GPRC5C: variants seen among roughly 807,000 people sequenced by gnomAD.
GPRC5C encodes the protein G protein-coupled receptor family C group 5 member C.
Under a neutral mutation model 31.4 loss-of-function variants are expected in GPRC5C, and 22 were observed. The ratio of observed to expected loss-of-function variants is 0.70; its 90% CI spans 0.50 to 1.00. GPRC5C has a LOEUF of 1.00. GPRC5C is among the 50% of genes least tolerant of loss of function. The probability of loss-of-function intolerance (pLI) is 0.00; values close to 1 mark genes in which losing one functional copy is unlikely to be tolerated. For missense variants in GPRC5C, 557 were observed against 597.2 expected (o/e 0.93, Z 0.70); for synonymous variants, 249 against 257.5 (o/e 0.97, Z 0.32).
At position 74,439,994 on chromosome 17, in the gene GPRC5C, C is replaced by T; in HGVS notation, c.218C>T (p.Ala73Val). 6.2e-7 allele frequency: 1 copy of T among 1,609,772 alleles called. No homozygotes were observed. Reference protein sequence around the residue: ...TTFVLTIILVASLPFVQDTKK... With the variant: ...TTFVLTIILVVSLPFVQDTKK... ...TTTGTGCTCACCATCATCCTGGTGG[C>T]CAGCCTCCCCTTTGTGCAGGACACC... is the stretch of plus-strand genomic sequence containing the variant. The change falls in exon 2 of 4, where the codon GCC becomes GTC. Residue 73 changes from alanine (A) to valine (V), a missense_variant. Physicochemically the swap from Ala to Val is moderately conservative, Grantham distance 64. Transcript: ENST00000392627.
rs986621916 is a variant in GPRC5C, at chr17:74,447,183, G to A, written c.*155G>A. On this transcript the variant is annotated 3_prime_UTR_variant, in exon 4 of 4. Coordinates refer to ENST00000392627, the MANE Select transcript of GPRC5C (RefSeq NM_022036.4). Reference sequence around the variant, plus strand: ...CTCCCTCTCTGCCAGTGTTTGGGTGGGTGTCATGGGTGTCCCCACCCACTC... The same window carrying A: ...CTCCCTCTCTGCCAGTGTTTGGGTGAGTGTCATGGGTGTCCCCACCCACTC... 5.8e-5 allele frequency: 82 copies of A among 1,412,834 alleles called. No homozygotes were observed. Among genetic ancestry groups the A allele is most frequent in the Non-Finnish European group, 7.5e-5 (81 of 1,083,652 alleles). 87.5% of individuals were successfully genotyped at this position (1,412,834 alleles called of 1,614,324 possible).
chr17:74,448,177 A>G (rs925394950), downstream of GPRC5C, among the ~76,000 whole-genome samples: 3 of 152,038 alleles, frequency 2.0e-5, no homozygotes, highest in Non-Finnish European at 4.4e-5. Context: ...TTAGCCAGAC[A>G]TTAGTCCTAG....
At chr17:74,449,300 T>C (rs2055687252), downstream of GPRC5C, 7 of 1,255,786 alleles carry the variant, frequency 5.6e-6, no homozygotes, top group Non-Finnish European at 6.3e-6. Flanking sequence ...CGCAGTAGAG[T>C]CCCCTTTGAC....
chr17:74,439,735 C>A lies in GPRC5C; in HGVS notation c.-32-10C>A. ...AGGACTAATTTTGTCCCTTTTCCTT[C>A]TGTCTCTAGGGACCCAACCAGAGCC... On this transcript the variant is annotated splice_polypyrimidine_tract_variant and intron_variant, in intron 1 of 3. Coordinates refer to ENST00000392627, the MANE Select transcript of GPRC5C (RefSeq NM_022036.4). The A allele has an allele frequency of 6.3e-7, 1 of 1,583,884 alleles. No individual in the cohort carries two copies. The highest frequency in any genetic ancestry group is 8.6e-7 in the Non-Finnish European group (1 of 1,164,628).
rs1168352068 is a variant in GPRC5C at position 74,442,405 on chromosome 17, T to G, written c.1052-1413T>G. Among the ~76,000 whole-genome samples, 4 of 152,210 alleles carry G rather than the reference T, an allele frequency of 2.6e-5. No homozygotes were observed. The East Asian group carries it at 7.7e-4, about 29-fold the overall frequency. ...TAGCATTTCCTCAGCACCTGCTCTG[T>G]GCCAGCCCCTGTGCTAATCCCCTTA... On this transcript the variant is annotated intron_variant, in intron 2 of 3. Coordinates refer to ENST00000392627, the MANE Select transcript of GPRC5C (RefSeq NM_022036.4).
downstream of GPRC5C, chr17:74,449,648 C>A: frequency 4.0e-6 from 1 of 251,506 alleles, no homozygotes; most frequent in Non-Finnish European, 8.1e-6. Context: ...CAACTCCCCT[C>A]TTGACACGCC....
rs1327945684 is a variant in GPRC5C, at chr17:74,443,809, T to C, written c.1052-9T>C. ...GGGATCTTCAAACTGTTCCTGCTTT[T>C]CCTTGTAGCTAAGAGGCCGGTGTCA... On this transcript the variant is annotated splice_polypyrimidine_tract_variant and intron_variant, in intron 2 of 3. Transcript: ENST00000392627. The C allele has an allele frequency of 6.2e-7, 1 of 1,600,044 alleles. No homozygotes were observed. The highest frequency in any genetic ancestry group is 1.1e-5 in the South Asian group (1 of 90,798).
intron 1 of GPRC5C, among the ~76,000 whole-genome samples, chr17:74,436,938 T>C (rs1352571201): frequency 6.6e-6 from 1 of 152,218 alleles, no homozygotes; most frequent in African/African-American, 2.4e-5. Flanking sequence ...TTGTTGTTGT[T>C]GTCGTTGTTG....
At chr17:74,448,882 A>G (rs950568296), downstream of GPRC5C, 99 of 1,289,726 alleles carry the variant, frequency 7.7e-5, no homozygotes, top group Non-Finnish European at 1.0e-4. Context: ...TAAGACTCTG[A>G]CGTCCAGCAG....
At chr17:74,435,395 C>T (rs904151030) in intron 1 of GPRC5C, among the ~76,000 whole-genome samples, 1 of 152,188 alleles carries the variant, frequency 6.6e-6, no homozygotes, top group African/African-American at 2.4e-5. Context: ...TCTGTCTTCC[C>T]ACCTGCCCTT....
intron 1 of GPRC5C, chr17:74,432,489 C>A (rs2055368788): frequency 4.8e-6 from 5 of 1,035,882 alleles, no homozygotes; most frequent in Non-Finnish European, 4.6e-6. Flanking sequence ...TGGCCCCAAA[C>A]GCTGCGCTGG....
At chr17:74,449,378 C>T (rs1318721520), downstream of GPRC5C, 2 of 1,290,772 alleles carry the variant, frequency 1.5e-6, no homozygotes, top group Non-Finnish European at 2.0e-6. Flanking sequence ...AAGCCCTCTT[C>T]CCGGGACTGC....
At chr17:74,436,149 C>A (rs1166183484) in intron 1 of GPRC5C, among the ~76,000 whole-genome samples, 1 of 152,228 alleles carries the variant, frequency 6.6e-6, no homozygotes, top group Non-Finnish European at 1.5e-5. Context: ...TGTAGCATTT[C>A]CAATGTGTCA....
chr17:74,448,862 C>G, downstream of GPRC5C: 1 of 1,289,810 alleles, frequency 7.8e-7, no homozygotes, highest in South Asian at 1.2e-5. Flanking sequence ...CAACACCAAC[C>G]AGGTTTTCCT....
chr17:74,432,178 C>T, intron 1 of GPRC5C, 37 bp downstream of exon 1: 2 of 1,591,536 alleles, frequency 1.3e-6, no homozygotes, highest in Non-Finnish European at 1.7e-6. Flanking sequence ...AGGCTTTGTT[C>T]CTGTGTAAAC....
At chr17:74,432,385 C>T (rs994187842) in intron 1 of GPRC5C, 1 of 1,303,528 alleles carries the variant, frequency 7.7e-7, no homozygotes, top group Non-Finnish European at 9.7e-7. Flanking sequence ...GCGTCCCGGC[C>T]CGGGCCCCGC....
intron 3 of GPRC5C, 25 bp from the exon 4 acceptor site, chr17:74,446,824 T>G: frequency 2.3e-5 from 36 of 1,574,686 alleles, no homozygotes; most frequent in African/African-American, 2.7e-5. Flanking sequence ...TCCCCGACTG[T>G]GAGACCGCCT....
rs1189167119 is a variant in GPRC5C, at chr17:74,439,885, C to G, written c.109C>G (p.Pro37Ala). ...ACCCGGCTGCAGCCAAGGCCTCAAC[C>G]CCCTGTACTACAACCTGTGTGACCG... Reference protein sequence around the residue: ...VPPGCSQGLNPLYYNLCDRSG... With the variant: ...VPPGCSQGLNALYYNLCDRSG... Residue 37 changes from proline (P) to alanine (A), a missense_variant, in exon 2 of 4, where the codon CCC (proline) becomes GCC (alanine). Coordinates refer to ENST00000392627, the MANE Select transcript of GPRC5C (RefSeq NM_022036.4). 6 of 1,613,220 alleles carry G rather than the reference C, an allele frequency of 3.7e-6. No homozygotes were observed. The highest frequency in any genetic ancestry group is 5.1e-6 in the Non-Finnish European group (6 of 1,180,016).
At chr17:74,432,334 C>T in intron 1 of GPRC5C, 193 bp downstream of exon 1, 1 of 1,426,696 alleles carries the variant, frequency 7.0e-7, no homozygotes, top group Non-Finnish European at 9.1e-7. Context: ...AGCAACCCAG[C>T]GCGCCTGGCT....
Sources: allele counts gnomAD v4.1 joint callset (sites outside exome capture counted in the v4.1 genomes callset), GRCh38; gene constraint gnomAD v4.1.1; transcripts MANE v1.5; gene names NCBI Gene and HGNC (gene_info 2026-07-23, HGNC 2026-07-21).